SLC44A5: variants seen among roughly 807,000 people sequenced by gnomAD.
SLC44A5 encodes solute carrier family 44 member 5, also known as choline transporter-like protein 5.
A neutral mutation model predicts 101.8 loss-of-function variants in SLC44A5; 57 were observed. The ratio of observed to expected loss-of-function variants is 0.56; its 90% CI spans 0.45 to 0.70. The LOEUF (loss-of-function observed/expected upper bound fraction) is 0.70, where lower values mean the gene tolerates loss of function less well. SLC44A5 is among the 30% of genes least tolerant of loss of function. The pLI, the probability that SLC44A5 is intolerant of heterozygous loss-of-function variation, is 0.00. For synonymous variants in SLC44A5, 281 were observed against 290.9 expected (o/e 0.97, Z 0.35); for missense variants, 737 against 853.1 (o/e 0.86, Z 1.70).
At chr1:75,712,513 A>AG in the SLC44A5 span, among the ~76,000 whole-genome samples, 2 of 152,204 alleles carry the variant, frequency 1.3e-5, no homozygotes, top group African/African-American at 4.8e-5. Context: ...CTCTATAAAC[A>AG]GAAGTGTCAA....
intron 3 of SLC44A5, among the ~76,000 whole-genome samples, chr1:75,376,819 T>C (rs1007384590): frequency 3.3e-5 from 5 of 152,172 alleles, no homozygotes; most frequent in African/African-American, 1.2e-4. Flanking sequence ...GGAACAAAGC[T>C]GGATGGAGAA....
chr1:75,613,645 G>A (rs1675748293), upstream of SLC44A5, among the ~76,000 whole-genome samples: 1 of 152,210 alleles, frequency 6.6e-6, no homozygotes, highest in Admixed American at 6.5e-5. Context: ...TGTAGCATGA[G>A]AAAACCTTAT....
At chr1:75,661,864 A>G in the SLC44A5 span, among the ~76,000 whole-genome samples, 1 of 152,052 alleles carries the variant, frequency 6.6e-6, no homozygotes, top group Non-Finnish European at 1.5e-5. Flanking sequence ...TGGTAAGGTT[A>G]CAGAGGAAGG....
intron 12 of SLC44A5, among the ~76,000 whole-genome samples, chr1:75,231,381 C>T (rs571173816): frequency 6.6e-5 from 10 of 152,220 alleles, no homozygotes; most frequent in East Asian, 1.9e-4. Context: ...AACAATACAG[C>T]GCAATCCTCT....
intron 5 of SLC44A5, among the ~76,000 whole-genome samples, chr1:75,289,353 AT>A (rs1489341312): frequency 6.6e-6 from 1 of 152,144 alleles, no homozygotes; most frequent in East Asian, 1.9e-4. Flanking sequence ...AAGAAAATCC[AT>A]GTTTTTTTCA....
At chr1:75,284,573 C>G (rs1652886743) in intron 5 of SLC44A5, among the ~76,000 whole-genome samples, 1 of 151,996 alleles carries the variant, frequency 6.6e-6, no homozygotes, top group Non-Finnish European at 1.5e-5. Context: ...AAGCAAGCAT[C>G]CTTGTCTTGT....
chr1:75,548,625 T>C (rs991173296), intron 1 of SLC44A5, among the ~76,000 whole-genome samples: 1 of 152,058 alleles, frequency 6.6e-6, no homozygotes, highest in African/African-American at 2.4e-5. Flanking sequence ...ACATAACACA[T>C]CTCGCATCTG....
chr1:75,590,311 T>C (rs1230713207), intron 1 of SLC44A5, among the ~76,000 whole-genome samples: 1 of 152,114 alleles, frequency 6.6e-6, no homozygotes, highest in Non-Finnish European at 1.5e-5. Flanking sequence ...AGACATACCC[T>C]GGGCCAGAAG....
chr1:75,327,038 G>T (rs1345256356), intron 4 of SLC44A5, among the ~76,000 whole-genome samples: 1 of 151,704 alleles, frequency 6.6e-6, no homozygotes, highest in Non-Finnish European at 1.5e-5. Flanking sequence ...TTTAAACTTT[G>T]AGTTAATGAT....
At chr1:75,254,023 C>T (rs572983983) in intron 6 of SLC44A5, among the ~76,000 whole-genome samples, 1 of 151,932 alleles carries the variant, frequency 6.6e-6, no homozygotes, top group Non-Finnish European at 1.5e-5. Context: ...CTGATATTCT[C>T]AAATTTCAGG....
chr1:75,339,152 C>G (rs1657673530), intron 4 of SLC44A5, among the ~76,000 whole-genome samples: 1 of 152,160 alleles, frequency 6.6e-6, no homozygotes, highest in Non-Finnish European at 1.5e-5. Context: ...AGAAAGCACT[C>G]TGATCTTGGA....
At chr1:75,374,624 A>C (rs890605579) in intron 3 of SLC44A5, among the ~76,000 whole-genome samples, 1 of 152,154 alleles carries the variant, frequency 6.6e-6, no homozygotes, top group Non-Finnish European at 1.5e-5. Flanking sequence ...TGTGGCTAAG[A>C]GCCTATCTGC....
the SLC44A5 span, among the ~76,000 whole-genome samples, chr1:75,632,417 A>T: frequency 6.6e-6 from 1 of 152,220 alleles, no homozygotes; most frequent in African/African-American, 2.4e-5. Context: ...ACATTAAACT[A>T]AAAATAATTC....
intron 2 of SLC44A5, among the ~76,000 whole-genome samples, chr1:75,519,246 G>A (rs76174747): frequency 0.021 from 3,183 of 152,202 alleles, 118 homozygotes; most frequent in African/African-American, 0.072. Flanking sequence ...GTTACCTTAA[G>A]ATGAATTTTT....
At chr1:75,701,051 G>T in the SLC44A5 span, among the ~76,000 whole-genome samples, 1 of 152,156 alleles carries the variant, frequency 6.6e-6, no homozygotes, top group African/African-American at 2.4e-5. Context: ...GGACCAGATG[G>T]ATTCACAGCC....
chr1:75,464,617 G>A (rs1199923063), intron 2 of SLC44A5, among the ~76,000 whole-genome samples: 1 of 151,428 alleles, frequency 6.6e-6, no homozygotes, highest in Non-Finnish European at 1.5e-5. Context: ...GAATGGATGG[G>A]AAAAAAAAGA....
At chr1:75,589,084 G>A (rs559845064) in intron 1 of SLC44A5, among the ~76,000 whole-genome samples, 3 of 152,210 alleles carry the variant, frequency 2.0e-5, no homozygotes, top group East Asian at 3.9e-4. Context: ...CTGCATTCAC[G>A]CGCACCCTCT....
At chr1:75,488,713 A>G (rs1668283784) in intron 2 of SLC44A5, among the ~76,000 whole-genome samples, 1 of 152,218 alleles carries the variant, frequency 6.6e-6, no homozygotes, top group Non-Finnish European at 1.5e-5. Flanking sequence ...TTTCCCTAAG[A>G]TGAAATCTGT....
chr1:75,535,119 T>G (rs1389745592), intron 2 of SLC44A5, among the ~76,000 whole-genome samples: 1 of 150,130 alleles, frequency 6.7e-6, no homozygotes, highest in Non-Finnish European at 1.5e-5. Context: ...ACACAGAAAA[T>G]GCTTCTGGCA....
Sources: allele counts gnomAD v4.1 joint callset (sites outside exome capture counted in the v4.1 genomes callset), GRCh38; gene constraint gnomAD v4.1.1; transcripts MANE v1.5; gene names NCBI Gene and HGNC (gene_info 2026-07-23, HGNC 2026-07-21).